OTOG: variants seen among roughly 807,000 people sequenced by gnomAD.
OTOG encodes the protein otogelin.
A neutral mutation model predicts 313.8 loss-of-function variants in OTOG; 296 were observed. The observed-to-expected ratio is 0.94, with a 90% CI of 0.86 to 1.04. OTOG has a LOEUF of 1.04. OTOG is among the 50% of genes least tolerant of loss of function. OTOG has a pLI of 0.00. For missense variants in OTOG, 3,948 were observed against 3,840.1 expected (o/e 1.03, Z -0.74); for synonymous variants, 1,533 against 1,554.9 (o/e 0.99, Z 0.33).
intron 3 of OTOG, among the ~76,000 whole-genome samples, chr11:17,549,998 A>G (rs1008934243): frequency 6.6e-6 from 1 of 152,138 alleles, no homozygotes; most frequent in African/African-American, 2.4e-5. Flanking sequence ...GAGCTCAACC[A>G]TTTTCTAGAG....
intron 39 of OTOG, among the ~76,000 whole-genome samples, chr11:17,625,581 T>G (rs561335617): frequency 7.2e-5 from 11 of 152,334 alleles, no homozygotes; most frequent in African/African-American, 2.6e-4. Flanking sequence ...GATTTTTGCA[T>G]CACTGTTCAT....
chr11:17,642,347 C>T (rs547759397), intron 53 of OTOG, 101 bp downstream of exon 53: 28 of 1,401,482 alleles, frequency 2.0e-5, no homozygotes, highest in South Asian at 4.8e-5. Context: ...GGAAGAAGGG[C>T]TCCCTGGAGC....
intron 6 of OTOG, among the ~76,000 whole-genome samples, chr11:17,555,452 C>A (rs570505586): frequency 1.3e-5 from 2 of 152,098 alleles, no homozygotes; most frequent in Admixed American, 6.6e-5. Context: ...GATGGTATTT[C>A]CTGGGTAGGA....
intron 20 of OTOG, 71 bp from the exon 21 acceptor site, chr11:17,576,485 T>C: frequency 7.8e-7 from 1 of 1,281,340 alleles, no homozygotes; most frequent in Non-Finnish European, 1.1e-6. Context: ...GAGGGTGGGG[T>C]CCCTGTCCTT....
At chr11:17,622,614 T>C (rs1853891489) in intron 39 of OTOG, among the ~76,000 whole-genome samples, 1 of 152,214 alleles carries the variant, frequency 6.6e-6, no homozygotes, top group Admixed American at 6.5e-5. Flanking sequence ...AGGTTTGTCT[T>C]TCTGTGCCTG....
chr11:17,645,600 T>C lies in OTOG; in HGVS notation c.8498T>C (p.Ile2833Thr). ...EDGRSCKKVT[I>T]RMTIRKNECR... The stretch of plus-strand genomic sequence containing the variant: ...GGGCGCTCCTGCAAGAAGGTGACCA[T>C]CCGCATGACCATCCGCAAGAATGAA... Residue 2833 changes from isoleucine (I) to threonine (T), a missense_variant, in exon 55 of 56, where the codon ATC becomes ACC. By Grantham distance (89) the Ile-to-Thr change is moderately conservative. Transcript: ENST00000399397. 6.4e-7 allele frequency: 1 copy of C among 1,550,552 alleles called. No individual in the cohort carries two copies. The highest frequency in any genetic ancestry group is 8.7e-7 in the Non-Finnish European group (1 of 1,146,972).
chr11:17,598,707 G>A (rs1853171380), intron 30 of OTOG, among the ~76,000 whole-genome samples: 1 of 152,150 alleles, frequency 6.6e-6, no homozygotes, highest in Admixed American at 6.5e-5. Flanking sequence ...CTAGAGAGCT[G>A]GCTTTTTAAT....
In OTOG at chr11:17,609,981, A is replaced by G. The variant is rs994827885; in HGVS notation, c.4681A>G (p.Ile1561Val). 3.9e-6 allele frequency: 6 copies of G among 1,542,952 alleles called. No homozygotes were observed. Among genetic ancestry groups the G allele is most frequent in the Non-Finnish European group, 5.3e-6 (6 of 1,142,204 alleles). ...GGGAGTGACTGCCAGCCTCCTGGCC[A>G]TCCCCCATACACCAGAGTCCTCATC... is the stretch of plus-strand genomic sequence containing the variant. Reference protein sequence around the residue: ...SKGVTASLLAIPHTPESSSLP... With the variant: ...SKGVTASLLAVPHTPESSSLP... The change falls in exon 36 of 56, where the codon ATC (isoleucine) becomes GTC (valine). Residue 1561 changes from isoleucine to valine, a missense_variant. Transcript: ENST00000399397.
At chr11:17,605,221 C>T (rs999335118) in intron 32 of OTOG, among the ~76,000 whole-genome samples, 2 of 152,252 alleles carry the variant, frequency 1.3e-5, no homozygotes, top group South Asian at 2.1e-4. Context: ...GCATCAAGCC[C>T]CCATGCCCTA....
At position 17,613,195 on chromosome 11, in the gene OTOG, T is replaced by TTTCTTTCTTTC. The variant is rs1401646180; in HGVS notation, c.6439-415_6439-414insCTTTCTTTCTT. On this transcript the variant is annotated intron_variant, in intron 38 of 55. Transcript: ENST00000399397. Reference sequence around the variant, plus strand: ...TTTTCTTTCTTTCTTTCTTTCTTTCTTTTCTTTCTTTCTTTCTTTCTTTCT... The same window carrying TTTCTTTCTTTC: ...TTTTCTTTCTTTCTTTCTTTCTTTCTTTCTTTCTTTCTTTCTTTCTTTCTTTCTTTCTTTCT... Among the ~76,000 whole-genome samples, 393 of 65,344 alleles carry TTTCTTTCTTTC rather than the reference T, an allele frequency of 6.0e-3. 3 individuals are homozygous for TTTCTTTCTTTC. The highest frequency in any genetic ancestry group is 0.011 in the South Asian group (20 of 1,748). The allele number at this position is 65,344 out of a possible 152,430, so 42.9% of individuals were successfully genotyped here.
chr11:17,634,163 C>A lies in OTOG; in HGVS notation c.7362C>A (p.Asp2454Glu). The change falls in exon 44 of 56, where the codon GAC (aspartate) becomes GAA (glutamate). Residue 2454 changes from aspartate to glutamate, a missense_variant. By Grantham distance (45) the Asp-to-Glu change is conservative. Coordinates refer to ENST00000399397, the MANE Select transcript of OTOG (RefSeq NM_001292063.2). ...GCCQHQCQAPDTIVPVDLGCP... is the reference protein window; with the variant it reads ...GCCQHQCQAPETIVPVDLGCP... ...GCCAGCACCAGTGCCAAGCCCCAGACACCATTGTCCCGGTGGATCTGGGCT... is the reference window on the plus strand; with the variant it reads ...GCCAGCACCAGTGCCAAGCCCCAGAAACCATTGTCCCGGTGGATCTGGGCT... The A allele has an allele frequency of 6.5e-7, 1 of 1,550,196 alleles. No individual in the cohort carries two copies. The highest frequency in any genetic ancestry group is 8.7e-7 in the Non-Finnish European group (1 of 1,146,944).
At chr11:17,582,441 T>C (rs139865579) in intron 23 of OTOG, among the ~76,000 whole-genome samples, 6 of 152,346 alleles carry the variant, frequency 3.9e-5, no homozygotes, top group African/African-American at 1.4e-4. Context: ...TGTTTTCAGT[T>C]TGGGACTATT....
Position 17,591,681 on chromosome 11 carries a change from G to T in OTOG, c.3006+93G>T, listed in dbSNP as rs1852940676. On this transcript the variant is annotated intron_variant, in intron 25 of 55. Transcript: ENST00000399397. The stretch of plus-strand genomic sequence containing the variant: ...ACTCCAGTTTGATGCAGAATTGGGT[G>T]ATCGGGGATCTAAGCCCTGAGGTGG... 6.2e-6 allele frequency: 9 copies of T among 1,455,636 alleles called. No homozygotes were observed. The African/African-American group carries it at 7.0e-5, about 11-fold the overall frequency. The allele number at this position is 1,455,636 out of a possible 1,614,324, so 90.2% of individuals were successfully genotyped here. A position where few individuals can be genotyped will look rare whatever the true frequency, so the allele number is the denominator to read the frequency against.
At position 17,559,631 on chromosome 11, in the gene OTOG, C is replaced by T. The variant is rs1457839484; in HGVS notation, c.1311C>T (p.Ile437=). 1.4e-5 allele frequency: 21 copies of T among 1,550,722 alleles called. No homozygotes were observed. Among genetic ancestry groups the T allele is most frequent in the Middle Eastern group, 1.7e-4 (1 of 6,014 alleles). ...HPRASCVDSE[I]ACVDGCYCPN... is the part of the protein sequence containing the mutation. ...GGGCATCCTGTGTGGACAGTGAGAT[C>T]GCCTGTGTGGACGGCTGCTATTGCC... Residue 437 remains isoleucine (I), a synonymous_variant, in exon 12 of 56, where the codon ATC becomes ATT. Coordinates refer to ENST00000399397, the MANE Select transcript of OTOG (RefSeq NM_001292063.2).
chr11:17,640,802 T>C lies in OTOG; in HGVS notation c.7993T>C (p.Cys2665Arg). 2 of 1,550,314 alleles carry C rather than the reference T, an allele frequency of 1.3e-6. No homozygotes were observed. Among genetic ancestry groups the C allele is most frequent in the Non-Finnish European group, 1.7e-6 (2 of 1,147,004 alleles). The change falls in exon 50 of 56, where the codon TGC becomes CGC. Residue 2665 changes from cysteine (C) to arginine (R), a missense_variant. Coordinates refer to ENST00000399397, the MANE Select transcript of OTOG (RefSeq NM_001292063.2). ...FMHSVENVCG[C>R]AKYECVKAPV... Reference sequence around the variant, plus strand: ...GCACAGCGTGGAGAATGTGTGTGGCTGCGCCAAGTACGAGTGTGGTGAGTG... The same window carrying C: ...GCACAGCGTGGAGAATGTGTGTGGCCGCGCCAAGTACGAGTGTGGTGAGTG...
In OTOG at chr11:17,553,353, T is replaced by C; in HGVS notation, c.386-12T>C. On this transcript the variant is annotated splice_polypyrimidine_tract_variant and intron_variant, in intron 5 of 55. Coordinates refer to ENST00000399397, the MANE Select transcript of OTOG (RefSeq NM_001292063.2). ...GTAGCTACACAGAGAGGTTCTCTTT[T>C]CTCTCCCTCAGTGTACAATGCCGGC... is the stretch of plus-strand genomic sequence containing the variant. 6.8e-7 allele frequency: 1 copy of C among 1,468,896 alleles called. No individual in the cohort carries two copies. Among genetic ancestry groups the C allele is most frequent in the Admixed American group, 2.5e-5 (1 of 39,380 alleles). The allele number at this position is 1,468,896 out of a possible 1,614,324, so 91.0% of individuals were successfully genotyped here.
At chr11:17,581,780 A>G (rs1454436589) in intron 23 of OTOG, among the ~76,000 whole-genome samples, 1 of 152,188 alleles carries the variant, frequency 6.6e-6, no homozygotes, top group Admixed American at 6.5e-5. Flanking sequence ...TATATTCCCT[A>G]ATGTGAATAT....
intron 30 of OTOG, among the ~76,000 whole-genome samples, chr11:17,598,161 T>C (rs908011545): frequency 7.9e-5 from 12 of 152,266 alleles, no homozygotes; most frequent in Admixed American, 2.6e-4. Context: ...CTTCATTTAA[T>C]ATGCAAGACT....
intron 40 of OTOG, among the ~76,000 whole-genome samples, chr11:17,630,363 G>T (rs1002897922): frequency 3.3e-5 from 5 of 152,140 alleles, no homozygotes; most frequent in Non-Finnish European, 2.9e-5. Context: ...GTAGCCTGGT[G>T]AGCCAACCCC....
Sources: allele counts gnomAD v4.1 joint callset (sites outside exome capture counted in the v4.1 genomes callset), GRCh38; gene constraint gnomAD v4.1.1; transcripts MANE v1.5; gene names NCBI Gene and HGNC (gene_info 2026-07-23, HGNC 2026-07-21).